Variants in EXOC4 observed in about 807,000 individuals in gnomAD.
EXOC4 encodes SEC8-like 1.
A neutral mutation model predicts 107.2 loss-of-function variants in EXOC4; 71 were observed. The observed-to-expected ratio is 0.66, with a 90% CI of 0.55 to 0.81. EXOC4 has a LOEUF of 0.81. Ranked by LOEUF, EXOC4 falls within the 30% of genes least tolerant of loss-of-function variation. The probability of loss-of-function intolerance (pLI) is 0.00; values close to 1 mark genes in which losing one functional copy is unlikely to be tolerated. For synonymous variants in EXOC4, 456 were observed against 441.2 expected (o/e 1.03, Z -0.42); for missense variants, 1,108 against 1,189.6 (o/e 0.93, Z 1.01).
intron 7 of EXOC4, among the ~76,000 whole-genome samples, chr7:133,460,843 A>G (rs945491272): frequency 2.3e-4 from 35 of 152,218 alleles, no homozygotes; most frequent in African/African-American, 8.2e-4. Context: ...ACTTCAGTGG[A>G]AATATCATTA....
intron 7 of EXOC4, among the ~76,000 whole-genome samples, chr7:133,409,103 A>G (rs1334427936): frequency 2.0e-5 from 3 of 152,196 alleles, no homozygotes; most frequent in African/African-American, 7.2e-5. Flanking sequence ...GTTCTTACTT[A>G]TAGGCTGTAC....
chr7:133,922,891 G>A (rs533170751), intron 13 of EXOC4, among the ~76,000 whole-genome samples: 12 of 151,952 alleles, frequency 7.9e-5, no homozygotes, highest in Non-Finnish European at 1.6e-4. Context: ...CTATGTGTGT[G>A]TGTGTATGTG....
At chr7:133,430,072 A>C (rs577039598) in intron 7 of EXOC4, among the ~76,000 whole-genome samples, 26 of 152,326 alleles carry the variant, frequency 1.7e-4, no homozygotes, top group Admixed American at 4.6e-4. Context: ...TCTAGCATCC[A>C]GGAAGAATCA....
chr7:133,533,449 G>A (rs1426561660), intron 9 of EXOC4, among the ~76,000 whole-genome samples: 1 of 152,100 alleles, frequency 6.6e-6, no homozygotes, highest in African/African-American at 2.4e-5. Flanking sequence ...AATATTTTGA[G>A]TAAATCTTTC....
chr7:133,425,635 G>A (rs542749906), intron 7 of EXOC4, among the ~76,000 whole-genome samples: 7 of 152,186 alleles, frequency 4.6e-5, no homozygotes, highest in African/African-American at 1.7e-4. Context: ...GGTCATGACG[G>A]GAACATGGGG....
intron 7 of EXOC4, among the ~76,000 whole-genome samples, chr7:133,448,409 C>G (rs542298815): frequency 6.6e-6 from 1 of 152,160 alleles, no homozygotes; most frequent in East Asian, 1.9e-4. Context: ...GCAATCCTCT[C>G]ACCTCAGCTA....
rs567131841 is a variant in EXOC4 at position 133,335,064 on chromosome 7, G to A, written c.763+17674G>A. ...ATTGTTTTCAGTATTTTGCCATCAG[G>A]CAATGGTGGAATAAATAACATGCAC... On this transcript the variant is annotated intron_variant, in intron 5 of 17. Transcript: ENST00000253861. Among the ~76,000 whole-genome samples, 4 of 152,138 alleles carry A rather than the reference G, an allele frequency of 2.6e-5. No individual in the cohort carries two copies. In the South Asian group the frequency reaches 8.3e-4, roughly 32 times the overall value.
the EXOC4 span, among the ~76,000 whole-genome samples, chr7:134,075,621 G>C: frequency 6.6e-6 from 1 of 152,146 alleles, no homozygotes; most frequent in Non-Finnish European, 1.5e-5. Context: ...CTCCTACTGG[G>C]TCCCTCCCAC....
intron 5 of EXOC4, among the ~76,000 whole-genome samples, chr7:133,338,623 A>AAT (rs1491383032): frequency 2.1e-4 from 20 of 96,428 alleles, no homozygotes; most frequent in African/African-American, 7.5e-4. Flanking sequence ...AAAAAAAAAA[A>AAT]TTTTTATTTC....
intron 17 of EXOC4, among the ~76,000 whole-genome samples, chr7:134,050,587 A>G (rs935616075): frequency 6.6e-6 from 1 of 152,196 alleles, no homozygotes; most frequent in Non-Finnish European, 1.5e-5. Context: ...GGATAGCTTC[A>G]TAGAGGGTAG....
chr7:134,073,232 A>AAAAAAAAC, the EXOC4 span, among the ~76,000 whole-genome samples: 2 of 10,712 alleles, frequency 1.9e-4, no homozygotes, highest in Admixed American at 3.6e-3. Flanking sequence ...AAAAAAAAAA[A>AAAAAAAAC]CAACAAAGAA....
chr7:134,059,703 G>A (rs1796012130), intron 17 of EXOC4, among the ~76,000 whole-genome samples: 1 of 152,134 alleles, frequency 6.6e-6, no homozygotes, highest in East Asian at 1.9e-4. Flanking sequence ...GTATCCAATT[G>A]TGTTTCAACC....
intron 11 of EXOC4, among the ~76,000 whole-genome samples, chr7:133,887,810 CATGTTGT>C (rs1321947097): frequency 1.3e-5 from 2 of 152,102 alleles, no homozygotes; most frequent in Non-Finnish European, 2.9e-5. Context: ...TTGCTGCCCA[CATGTTGT>C]AGGATATCCT....
At chr7:133,452,113 T>C (rs1218563447) in intron 7 of EXOC4, among the ~76,000 whole-genome samples, 1 of 152,170 alleles carries the variant, frequency 6.6e-6, no homozygotes, top group Non-Finnish European at 1.5e-5. Flanking sequence ...ATTAGCCTGA[T>C]GCACTGTGAA....
intron 9 of EXOC4, among the ~76,000 whole-genome samples, chr7:133,577,714 C>A (rs1476849680): frequency 1.3e-5 from 2 of 152,108 alleles, no homozygotes; most frequent in Non-Finnish European, 2.9e-5. Context: ...ATGTTGTCAT[C>A]CATGTTTTAA....
At chr7:133,973,877 G>A (rs1222609442) in intron 14 of EXOC4, among the ~76,000 whole-genome samples, 3 of 152,182 alleles carry the variant, frequency 2.0e-5, no homozygotes, top group Non-Finnish European at 4.4e-5. Context: ...CCAAATTGAG[G>A]GGCCTGCATC....
At chr7:133,459,347 T>C (rs898491338) in intron 7 of EXOC4, among the ~76,000 whole-genome samples, 3 of 152,222 alleles carry the variant, frequency 2.0e-5, no homozygotes, top group African/African-American at 7.2e-5. Flanking sequence ...TTACAAATGC[T>C]CACTCTCATG....
At chr7:133,820,374 A>T (rs1013764510) in intron 11 of EXOC4, among the ~76,000 whole-genome samples, 3 of 152,062 alleles carry the variant, frequency 2.0e-5, no homozygotes, top group African/African-American at 7.2e-5. Flanking sequence ...ATTGTTTTCT[A>T]ATAATTCCCC....
rs549910714 is a variant in EXOC4, at chr7:133,675,724, G to A, written c.1514+45583G>A. The stretch of plus-strand genomic sequence containing the variant: ...CCCCTCACTACATCTCCAGATAACG[G>A]CGTAGGAGTGAGGAACTGTATACCG... On this transcript the variant is annotated intron_variant, in intron 10 of 17. Coordinates refer to ENST00000253861, the MANE Select transcript of EXOC4 (RefSeq NM_021807.4). Among the ~76,000 whole-genome samples, 289 of 152,254 alleles carry A rather than the reference G, an allele frequency of 1.9e-3. 1 individual carries two copies. The highest frequency in any genetic ancestry group is 3.5e-3 in the Non-Finnish European group (241 of 68,012).
Sources: gnomAD v4.1 joint callset for allele counts (sites outside exome capture counted in the v4.1 genomes callset) on GRCh38, gnomAD v4.1.1 for gene constraint, MANE v1.5 for transcripts, NCBI Gene and HGNC (gene_info 2026-07-23, HGNC 2026-07-21) for gene names.